The following ATF7IP variants were observed in gnomAD, a reference collection of about 807,000 sequenced individuals.
The protein encoded by ATF7IP is activating transcription factor 7 interacting protein.
ATF7IP carries 23 observed loss-of-function variants against 106.4 expected under a neutral mutation model. That is an observed-to-expected ratio of 0.22 (90% CI 0.16 to 0.31). The LOEUF is 0.31. Ranked by LOEUF, ATF7IP falls within the 10% of genes least tolerant of loss-of-function variation. The pLI, the probability that ATF7IP is intolerant of heterozygous loss-of-function variation, is 1.00. For synonymous variants in ATF7IP, 542 were observed against 539.0 expected (o/e 1.01, Z -0.08); for missense variants, 1,334 against 1,524.3 (o/e 0.88, Z 2.08).
At chr12:14,496,091 A>C (rs1945003681) in intron 13 of ATF7IP, 140 bp from the exon 14 acceptor site, 1 of 595,992 alleles carries the variant, frequency 1.7e-6, no homozygotes, top group South Asian at 2.3e-5. Context: ...CTGAATACGA[A>C]CAGGACCTCT....
intron 1 of ATF7IP, among the ~76,000 whole-genome samples, chr12:14,366,729 A>G (rs779261678): frequency 6.6e-6 from 1 of 152,168 alleles, no homozygotes; most frequent in East Asian, 1.9e-4. Context: ...TTTGTTTGCT[A>G]TGATATGTAA....
At chr12:14,445,134 G>A (rs1016827079) in intron 5 of ATF7IP, among the ~76,000 whole-genome samples, 1 of 151,756 alleles carries the variant, frequency 6.6e-6, no homozygotes, top group Admixed American at 6.6e-5. Context: ...GGGACTACAG[G>A]CGCGCGCCAC....
chr12:14,463,222 G>A (rs1007174643), intron 9 of ATF7IP, among the ~76,000 whole-genome samples: 10 of 151,926 alleles, frequency 6.6e-5, no homozygotes, highest in Non-Finnish European at 1.2e-4. Flanking sequence ...ACTTATGTGG[G>A]TATTATGTTT....
chr12:14,368,452 T>C (rs1334726475), intron 1 of ATF7IP, among the ~76,000 whole-genome samples: 1 of 152,164 alleles, frequency 6.6e-6, no homozygotes, highest in African/African-American at 2.4e-5. Flanking sequence ...GAATTTACTG[T>C]GATTTATTAA....
At chr12:14,451,923 T>TAATG (rs1943216936) in intron 6 of ATF7IP, among the ~76,000 whole-genome samples, 5 of 152,210 alleles carry the variant, frequency 3.3e-5, no homozygotes, top group African/African-American at 7.2e-5. Context: ...ATATTCTGTC[T>TAATG]GATGGTTCTA....
intron 13 of ATF7IP, among the ~76,000 whole-genome samples, chr12:14,488,849 T>C (rs1392323769): frequency 6.6e-6 from 1 of 152,130 alleles, no homozygotes; most frequent in Non-Finnish European, 1.5e-5. Context: ...AGTCAATAAA[T>C]CTTATGTCAC....
chr12:14,449,510 C>T (rs1164468316), intron 6 of ATF7IP, among the ~76,000 whole-genome samples: 3 of 151,110 alleles, frequency 2.0e-5, no homozygotes, highest in Non-Finnish European at 4.4e-5. Flanking sequence ...ATTTTTGTGC[C>T]AGCACCTCAC....
intron 1 of ATF7IP, among the ~76,000 whole-genome samples, chr12:14,413,136 G>C (rs1423223915): frequency 1.3e-5 from 2 of 152,172 alleles, no homozygotes; most frequent in Admixed American, 1.3e-4. Flanking sequence ...TCTGATCTTA[G>C]GGTGAAAGAT....
At chr12:14,414,931 G>A (rs1163523367) in intron 1 of ATF7IP, among the ~76,000 whole-genome samples, 1 of 152,054 alleles carries the variant, frequency 6.6e-6, no homozygotes, top group Non-Finnish European at 1.5e-5. Flanking sequence ...TTCTACTGCT[G>A]GTTATTTATT....
chr12:14,473,284 C>CTG (rs1308385092), intron 10 of ATF7IP, among the ~76,000 whole-genome samples: 7 of 68,596 alleles, frequency 1.0e-4, no homozygotes, highest in Admixed American at 1.9e-4. Flanking sequence ...CGCTCTCTCT[C>CTG]TCTCTCTGTG....
chr12:14,466,154 C>G (rs1943825156), intron 9 of ATF7IP: 1 of 162,594 alleles, frequency 6.2e-6, no homozygotes, highest in Non-Finnish European at 1.3e-5. Flanking sequence ...TTATTGGGAA[C>G]ATTTTTGACA....
At chr12:14,372,705 T>A (rs1938578757) in intron 1 of ATF7IP, among the ~76,000 whole-genome samples, 1 of 152,120 alleles carries the variant, frequency 6.6e-6, no homozygotes, top group Non-Finnish European at 1.5e-5. Flanking sequence ...AGAGGACCCC[T>A]TTGTATGATG....
rs571217696 is a variant in ATF7IP at position 14,468,698 on chromosome 12, G to A, written c.2862+2108G>A. 1.6e-4 allele frequency among the ~76,000 whole-genome samples: 24 copies of A among 152,278 alleles called. No individual in the cohort carries two copies. In the East Asian group the frequency reaches 3.9e-3, roughly 24 times the overall value. Reference sequence around the variant, plus strand: ...CCTTATCAAAAATAACAAAGTTTCAGTTTTGAATCAGTGTCAATTATGTAT... The same window carrying A: ...CCTTATCAAAAATAACAAAGTTTCAATTTTGAATCAGTGTCAATTATGTAT... On this transcript the variant is annotated intron_variant, in intron 10 of 14. Coordinates refer to ENST00000261168, the MANE Select transcript of ATF7IP (RefSeq NM_018179.5).
chr12:14,401,556 T>C (rs1940196855), intron 1 of ATF7IP, among the ~76,000 whole-genome samples: 1 of 151,180 alleles, frequency 6.6e-6, no homozygotes, highest in South Asian at 2.1e-4. Flanking sequence ...TTTGTGTCTG[T>C]CTTTTGGATG....
At chr12:14,467,993 A>C (rs1015110923) in intron 10 of ATF7IP, among the ~76,000 whole-genome samples, 1 of 152,130 alleles carries the variant, frequency 6.6e-6, no homozygotes, top group Non-Finnish European at 1.5e-5. Flanking sequence ...GTGGCTGGGC[A>C]TGGTGTCTCA....
At chr12:14,466,014 A>T (rs1298180533) in intron 9 of ATF7IP, 1 of 152,272 alleles carries the variant, frequency 6.6e-6, no homozygotes, top group African/African-American at 2.4e-5. Context: ...TGAAAGTAAC[A>T]TTTTTTAACT....
intron 1 of ATF7IP, among the ~76,000 whole-genome samples, chr12:14,396,886 C>T (rs138888243): frequency 1.2e-4 from 19 of 152,174 alleles, no homozygotes; most frequent in African/African-American, 3.9e-4. Context: ...TGATTACAGG[C>T]GTGGTGGCTC....
chr12:14,457,364 A>G, intron 8 of ATF7IP, 69 bp downstream of exon 8: 1 of 1,181,038 alleles, frequency 8.5e-7, no homozygotes, highest in Non-Finnish European at 1.2e-6. Context: ...CTTTTCTTAC[A>G]TTCTTTTGAG....
chr12:14,427,149 G>C (rs1415826555), intron 2 of ATF7IP, among the ~76,000 whole-genome samples: 1 of 152,042 alleles, frequency 6.6e-6, no homozygotes, highest in Non-Finnish European at 1.5e-5. Flanking sequence ...GTGAGACAGA[G>C]TCTTGCTCTG....
Sources: allele counts gnomAD v4.1 joint callset (sites outside exome capture counted in the v4.1 genomes callset), GRCh38; gene constraint gnomAD v4.1.1; transcripts MANE v1.5; gene names NCBI Gene and HGNC (gene_info 2026-07-23, HGNC 2026-07-21).